The following ZZEF1 variants were observed in gnomAD, a reference collection of about 807,000 sequenced individuals.
ZZEF1 encodes zinc finger ZZ-type and EF-hand domain containing 1, also known as zinc finger ZZ-type and EF-hand domain-containing protein 1.
ZZEF1 carries 157 observed loss-of-function variants against 342.8 expected under a neutral mutation model. The observed-to-expected ratio is 0.46, with a 90% CI of 0.40 to 0.52. ZZEF1 has a LOEUF of 0.52. ZZEF1 is among the 20% of genes least tolerant of loss of function. The pLI is 0.00. For synonymous variants in ZZEF1, 1,505 were observed against 1,429.1 expected, an observed-to-expected ratio of 1.05 and a Z score of -1.20; for missense variants, 3,480 against 3,725.6, an observed-to-expected ratio of 0.93 and a Z score of 1.72.
intron 37 of ZZEF1, among the ~76,000 whole-genome samples, chr17:4,044,867 T>A (rs1378846082): frequency 6.6e-6 from 1 of 152,142 alleles, no homozygotes; most frequent in African/African-American, 2.4e-5. Context: ...AGACAGTAAC[T>A]GTCGGGCTGG....
At chr17:4,110,084 T>G (rs2058272364) in intron 5 of ZZEF1, among the ~76,000 whole-genome samples, 1 of 152,098 alleles carries the variant, frequency 6.6e-6, no homozygotes, top group South Asian at 2.1e-4. Context: ...TATGTAAAAT[T>G]AAGGGTGATT....
At chr17:4,039,890 C>T (rs1346929540) in intron 39 of ZZEF1, among the ~76,000 whole-genome samples, 6 of 151,880 alleles carry the variant, frequency 4.0e-5, no homozygotes, top group Admixed American at 3.9e-4. Context: ...ATGATCTGCC[C>T]GCCTTGGCCT....
At chr17:4,137,989 G>A (rs1191406461) in intron 1 of ZZEF1, among the ~76,000 whole-genome samples, 1 of 140,702 alleles carries the variant, frequency 7.1e-6, no homozygotes, top group Non-Finnish European at 1.5e-5. Flanking sequence ...GCTCATGCGG[G>A]GGTAGGGGGA....
At chr17:4,021,092 A>C in intron 45 of ZZEF1, 37 bp downstream of exon 45, 6 of 1,549,298 alleles carry the variant, frequency 3.9e-6, no homozygotes, top group Non-Finnish European at 5.2e-6. Context: ...ATCCCTCAGA[A>C]GCCCCTCCTA....
At chr17:4,069,968 T>C (rs781680645) in intron 26 of ZZEF1, among the ~76,000 whole-genome samples, 5 of 152,206 alleles carry the variant, frequency 3.3e-5, no homozygotes, top group Non-Finnish European at 5.9e-5. Context: ...GCCCATGCCT[T>C]ATCTCTAGGT....
chr17:4,034,896 G>A (rs1163100649), intron 39 of ZZEF1, among the ~76,000 whole-genome samples: 1 of 152,206 alleles, frequency 6.6e-6, no homozygotes, highest in Non-Finnish European at 1.5e-5. Context: ...TACTTGGGAG[G>A]CTGAGGTGAG....
chr17:4,040,095 C>CAGAA (rs2056771600), intron 39 of ZZEF1, among the ~76,000 whole-genome samples: 1 of 152,084 alleles, frequency 6.6e-6, no homozygotes, highest in African/African-American at 2.4e-5. Context: ...TAATACTGGA[C>CAGAA]TTCTCATCGG....
intron 39 of ZZEF1, among the ~76,000 whole-genome samples, chr17:4,036,175 C>T (rs541113901): frequency 3.3e-5 from 5 of 151,618 alleles, no homozygotes; most frequent in Middle Eastern, 3.5e-3. Flanking sequence ...GGTAATTATA[C>T]GAAGGATGAT....
chr17:4,117,044 A>G lies in ZZEF1; in HGVS notation c.622T>C (p.Cys208Arg). Residue 208 changes from cysteine to arginine, a missense_variant, in exon 3 of 55, where the codon TGC (cysteine) becomes CGC (arginine). Cys to Arg is a radical substitution (Grantham distance 180, BLOSUM62 -3). This residue lies in a region of ZZEF1 where 416 missense variants were observed against 374.2 expected (regional missense o/e 1.11). Coordinates refer to ENST00000381638, the MANE Select transcript of ZZEF1 (RefSeq NM_015113.4). ...GACCGCATGGTGCACATGTTATTGC[A>G]GTGCTCCAGCATCGGGTAGGGCATC... ...AVMPYPMLEH[C>R]NNMCTMRSSV... 1 of 1,614,114 alleles carries G rather than the reference A, an allele frequency of 6.2e-7. No homozygotes were observed. Among genetic ancestry groups the G allele is most frequent in the Non-Finnish European group, 8.5e-7 (1 of 1,179,966 alleles).
chr17:4,010,882 T>C (rs1300459760), intron 52 of ZZEF1, among the ~76,000 whole-genome samples: 1 of 152,096 alleles, frequency 6.6e-6, no homozygotes, highest in Non-Finnish European at 1.5e-5. Context: ...CAGTTGACCC[T>C]ATCAGCTTTC....
chr17:4,088,866 G>A lies in ZZEF1; in HGVS notation c.2053C>T (p.Arg685Cys), dbSNP rs376382611. 11 of 1,613,936 alleles carry A rather than the reference G, an allele frequency of 6.8e-6. No homozygotes were observed. The highest frequency in any genetic ancestry group is 9.3e-6 in the Non-Finnish European group (11 of 1,180,036). ...KYLMVKFLCT[R>C]QESAERLGVQ... ...CCCAAGCGCTCTGCTGACTCCTGAC[G>A]GGTGCAGAGGAACTTCACCATCAAA... is the stretch of plus-strand genomic sequence containing the variant. Residue 685 changes from arginine (R) to cysteine (C), a missense_variant, in exon 13 of 55, where the codon CGT becomes TGT. By Grantham distance (180) the Arg-to-Cys change is radical. This residue lies in a region of ZZEF1 where 1,528 missense variants were observed against 1,624.1 expected (regional missense o/e 0.94). Transcript: ENST00000381638.
intron 7 of ZZEF1, 35 bp downstream of exon 7, chr17:4,105,658 C>T (rs1461239466): frequency 2.0e-6 from 3 of 1,472,242 alleles, no homozygotes; most frequent in African/African-American, 2.8e-5. Flanking sequence ...CACTCCATTC[C>T]TCACAGAGTT....
rs2056565670 is a variant in ZZEF1 at position 4,032,274 on chromosome 17, CAG to C, written c.6760-18_6760-17del. 1.2e-6 allele frequency: 2 copies of C among 1,603,952 alleles called. No individual in the cohort carries two copies. The highest frequency in any genetic ancestry group is 2.7e-5 in the African/African-American group (2 of 74,418). ...CACAGAGGACCTAGAACGTGGTAGA[CAG>C]AGACAGAAAGGCAACTCAAACATGG... On this transcript the variant is annotated splice_polypyrimidine_tract_variant and intron_variant, in intron 41 of 54. Coordinates refer to ENST00000381638, the MANE Select transcript of ZZEF1 (RefSeq NM_015113.4).
At chr17:4,057,614 T>C (rs1267934249) in intron 32 of ZZEF1, among the ~76,000 whole-genome samples, 1 of 152,080 alleles carries the variant, frequency 6.6e-6, no homozygotes, top group Non-Finnish European at 1.5e-5. Context: ...ATGGAAAGGA[T>C]TTCCCAATTC....
intron 6 of ZZEF1, among the ~76,000 whole-genome samples, chr17:4,108,708 T>C (rs1352214670): frequency 6.6e-6 from 1 of 152,222 alleles, no homozygotes; most frequent in Non-Finnish European, 1.5e-5. Context: ...TACTCTCTAA[T>C]GACTGAGGAA....
intron 39 of ZZEF1, among the ~76,000 whole-genome samples, chr17:4,037,857 C>T (rs1405995385): frequency 6.6e-6 from 1 of 152,188 alleles, no homozygotes; most frequent in Non-Finnish European, 1.5e-5. Context: ...GCTGGGATTA[C>T]AGATTCAAGG....
chr17:4,128,042 C>T (rs1327433779), intron 1 of ZZEF1, among the ~76,000 whole-genome samples: 1 of 152,046 alleles, frequency 6.6e-6, no homozygotes, highest in African/African-American at 2.4e-5. Flanking sequence ...TAACATAAAA[C>T]TCAGAAAAAG....
In ZZEF1 at chr17:4,078,034, C is replaced by A. The variant is rs750872845; in HGVS notation, c.2838G>T (p.Leu946=). 4 of 1,613,760 alleles carry A rather than the reference C, an allele frequency of 2.5e-6. No individual in the cohort carries two copies. In the East Asian group the frequency reaches 8.9e-5, roughly 36 times the overall value. The change falls in exon 19 of 55, where the codon CTG becomes CTT. Residue 946 remains leucine (L), a synonymous_variant. Coordinates refer to ENST00000381638, the MANE Select transcript of ZZEF1 (RefSeq NM_015113.4). ...CCCCTGGGGCCCCACTGAGCATTAA[C>A]AGCTCGCACTACAAGGGAGGAGACA... ...LVSVAARECE[L]LMLSGAPGEV...
intron 14 of ZZEF1, among the ~76,000 whole-genome samples, chr17:4,086,993 C>T (rs556736853): frequency 2.2e-4 from 34 of 152,194 alleles, no homozygotes; most frequent in African/African-American, 2.2e-4. Context: ...GCAATTCTTC[C>T]GCCTCAGCCT....
Sources: allele counts gnomAD v4.1 joint callset (sites outside exome capture counted in the v4.1 genomes callset), GRCh38; gene constraint gnomAD v4.1.1; regional missense constraint gnomAD v4.1.1; transcripts MANE v1.5; gene names NCBI Gene and HGNC (gene_info 2026-07-23, HGNC 2026-07-21).